The following ABCA13 variants were observed in gnomAD, a reference collection of about 807,000 sequenced individuals.
ABCA13 encodes ATP binding cassette subfamily A member 13, also known as ATP-binding cassette sub-family A member 13.
Under a neutral mutation model 478.7 loss-of-function variants are expected in ABCA13, and 476 were observed. That is an observed-to-expected ratio of 0.99 (90% CI 0.92 to 1.07). ABCA13 has a LOEUF of 1.07. ABCA13 is among the 50% of genes least tolerant of loss of function. ABCA13 has a pLI of 0.00. For synonymous variants in ABCA13, 2,252 were observed against 2,158.9 expected, an observed-to-expected ratio of 1.04 and a Z score of -1.20; for missense variants, 6,060 against 5,910.6, an observed-to-expected ratio of 1.03 and a Z score of -0.83.
intron 34 of ABCA13, among the ~76,000 whole-genome samples, chr7:48,374,853 G>A (rs1440086023): frequency 6.6e-6 from 1 of 151,958 alleles, no homozygotes; most frequent in Non-Finnish European, 1.5e-5. Context: ...AGGGAGAGAA[G>A]CTTTGTCTGT....
chr7:48,317,112 A>G (rs1308737510), intron 26 of ABCA13, 45 bp from the exon 27 acceptor site: 1 of 1,577,348 alleles, frequency 6.3e-7, no homozygotes, highest in African/African-American at 1.4e-5. Context: ...TAACCTAGGC[A>G]TCGTGTATCA....
intron 58 of ABCA13, among the ~76,000 whole-genome samples, chr7:48,607,590 G>A (rs2131522919): frequency 6.6e-6 from 1 of 152,210 alleles, no homozygotes; most frequent in South Asian, 2.1e-4. Context: ...TCTAAATCTA[G>A]CATCTGAGAA....
intron 51 of ABCA13, among the ~76,000 whole-genome samples, chr7:48,514,174 T>C (rs192168382): frequency 2.2e-3 from 329 of 152,332 alleles, no homozygotes; most frequent in Admixed American, 4.2e-3. Context: ...CCTTAGATTG[T>C]ATTGCTGGAT....
At chr7:48,233,340 C>T (rs1368198025) in intron 7 of ABCA13, among the ~76,000 whole-genome samples, 1 of 151,976 alleles carries the variant, frequency 6.6e-6, no homozygotes, top group Non-Finnish European at 1.5e-5. Flanking sequence ...TCAAACACAC[C>T]AAGAAATTTA....
intron 15 of ABCA13, among the ~76,000 whole-genome samples, chr7:48,266,646 C>A (rs1476869277): frequency 4.0e-5 from 6 of 151,752 alleles, no homozygotes; most frequent in Admixed American, 3.9e-4. Context: ...TCTCAAACAA[C>A]CAGCCTTTGA....
chr7:48,200,765 T>A (rs1033275256), intron 3 of ABCA13, among the ~76,000 whole-genome samples: 8 of 152,200 alleles, frequency 5.3e-5, no homozygotes, highest in Admixed American at 3.9e-4. Context: ...GCAGATTTCA[T>A]GCGTTTTCAT....
chr7:48,230,545 G>A (rs1788896018), intron 7 of ABCA13, among the ~76,000 whole-genome samples: 1 of 152,098 alleles, frequency 6.6e-6, no homozygotes, highest in Non-Finnish European at 1.5e-5. Flanking sequence ...GAAATACAGT[G>A]AGAGAACAAC....
intron 7 of ABCA13, among the ~76,000 whole-genome samples, chr7:48,230,822 C>A (rs1410553603): frequency 1.3e-5 from 2 of 152,190 alleles, no homozygotes; most frequent in Non-Finnish European, 1.5e-5. Context: ...CATCTACTCA[C>A]CAACCCACCA....
At chr7:48,262,457 A>G (rs1394887610) in intron 15 of ABCA13, among the ~76,000 whole-genome samples, 2 of 151,316 alleles carry the variant, frequency 1.3e-5, no homozygotes, top group South Asian at 2.1e-4. Context: ...AATTAACTTT[A>G]CCCTCTTTTG....
intron 55 of ABCA13, among the ~76,000 whole-genome samples, chr7:48,544,749 A>G (rs1054140892): frequency 2.0e-5 from 3 of 151,850 alleles, no homozygotes; most frequent in African/African-American, 7.2e-5. Context: ...AATTAATCAA[A>G]CCCAAGAAGA....
At chr7:48,351,135 A>G (rs1400207069) in intron 30 of ABCA13, among the ~76,000 whole-genome samples, 1 of 152,196 alleles carries the variant, frequency 6.6e-6, no homozygotes, top group Non-Finnish European at 1.5e-5. Flanking sequence ...ATCTCACACC[A>G]TAAGTTATAT....
chr7:48,283,560 A>G (rs968211036), intron 19 of ABCA13, among the ~76,000 whole-genome samples: 4 of 152,168 alleles, frequency 2.6e-5, no homozygotes, highest in South Asian at 2.1e-4. Context: ...TAGGCATTCA[A>G]TCAATATGTG....
At chr7:48,551,992 C>G (rs13230347) in intron 55 of ABCA13, among the ~76,000 whole-genome samples, 8,389 of 151,652 alleles carry the variant, frequency 0.055, 382 homozygotes, top group South Asian at 0.086. Flanking sequence ...CTGAAGTTAA[C>G]CAAAAAAAGC....
At chr7:48,277,744 A>G (rs1300942507) in intron 17 of ABCA13, among the ~76,000 whole-genome samples, 1 of 152,192 alleles carries the variant, frequency 6.6e-6, no homozygotes, top group East Asian at 1.9e-4. Flanking sequence ...CACTTTTCAG[A>G]CACTTATCTC....
intron 41 of ABCA13, 145 bp from the exon 42 acceptor site, chr7:48,427,621 C>T: frequency 3.3e-6 from 2 of 604,460 alleles, no homozygotes; most frequent in East Asian, 5.8e-5. Flanking sequence ...AGAGTTATGC[C>T]AATTAAATGG....
intron 42 of ABCA13, among the ~76,000 whole-genome samples, chr7:48,448,921 T>C (rs1318700571): frequency 6.6e-6 from 1 of 152,142 alleles, no homozygotes; most frequent in Non-Finnish European, 1.5e-5. Context: ...TGGCTCACGG[T>C]AACCTCTACC....
chr7:48,176,309 A>C (rs1445901759), intron 1 of ABCA13, among the ~76,000 whole-genome samples: 1 of 152,152 alleles, frequency 6.6e-6, no homozygotes, highest in African/African-American at 2.4e-5. Flanking sequence ...GGAGGGTTGA[A>C]GCATAGTTTA....
In ABCA13 at chr7:48,646,668, CAT is replaced by C. The variant is rs1795455241; in HGVS notation, c.*1157_*1158del. Reference sequence around the variant, plus strand: ...CCCAGCAGCTGGGACTACAGGCACACATCGCCACACCCGGCTAATTTTTAGTA... The same window carrying C: ...CCCAGCAGCTGGGACTACAGGCACACCGCCACACCCGGCTAATTTTTAGTA... On this transcript the variant is annotated 3_prime_UTR_variant, in exon 62 of 62. Coordinates refer to ENST00000435803, the MANE Select transcript of ABCA13 (RefSeq NM_152701.5). The C allele has an allele frequency of 6.6e-5, 10 of 152,318 alleles. No homozygotes were observed. The highest frequency in any genetic ancestry group is 3.9e-4 in the East Asian group (2 of 5,174). The allele number at this position is 152,318 out of a possible 1,614,324, so 9.4% of individuals were successfully genotyped here.
intron 35 of ABCA13, among the ~76,000 whole-genome samples, chr7:48,382,409 C>T (rs1465939218): frequency 2.0e-5 from 3 of 152,168 alleles, no homozygotes; most frequent in African/African-American, 4.8e-5. Context: ...TGCAGATTCA[C>T]GCCCCTCTCT....
Sources: gnomAD v4.1 joint callset for allele counts (sites outside exome capture counted in the v4.1 genomes callset) on GRCh38, gnomAD v4.1.1 for gene constraint, MANE v1.5 for transcripts, NCBI Gene and HGNC (gene_info 2026-07-23, HGNC 2026-07-21) for gene names.